XPNPEP3: variants seen among roughly 807,000 people sequenced by gnomAD.
XPNPEP3 encodes X-prolyl aminopeptidase 3.
XPNPEP3 carries 41 observed loss-of-function variants against 60.0 expected under a neutral mutation model. That is an observed-to-expected ratio of 0.68 (90% confidence interval 0.53 to 0.89). The LOEUF is 0.89. XPNPEP3 is among the 40% of genes least tolerant of loss of function. The pLI, the probability that XPNPEP3 is intolerant of heterozygous loss-of-function variation, is 0.00. For missense variants in XPNPEP3, 598 were observed against 638.9 expected, an observed-to-expected ratio of 0.94 and a Z score of 0.69; for synonymous variants, 212 against 223.2, an observed-to-expected ratio of 0.95 and a Z score of 0.45.
At chr22:40,900,309 A>G (rs1046475176) in intron 4 of XPNPEP3, among the ~76,000 whole-genome samples, 3 of 147,512 alleles carry the variant, frequency 2.0e-5, no homozygotes, top group Admixed American at 6.8e-5. Context: ...AGCCTTAGGA[A>G]AAAAAAAAAA....
At chr22:40,874,679 G>A (rs941568254) in intron 2 of XPNPEP3, among the ~76,000 whole-genome samples, 2 of 152,000 alleles carry the variant, frequency 1.3e-5, no homozygotes, top group Admixed American at 6.6e-5. Context: ...TACCACCTTG[G>A]CCCCCCAAAG....
chr22:40,900,144 A>G (rs923037302), intron 4 of XPNPEP3, among the ~76,000 whole-genome samples: 1 of 152,108 alleles, frequency 6.6e-6, no homozygotes, highest in African/African-American at 2.4e-5. Context: ...TTAGGAAAAA[A>G]CATAAGGGTG....
chr22:40,866,563 A>T lies in XPNPEP3; in HGVS notation c.65-2436A>T, dbSNP rs188753518. 5.5e-3 allele frequency among the ~76,000 whole-genome samples: 838 copies of T among 152,278 alleles called. 7 individuals carry two copies. Among genetic ancestry groups the T allele is most frequent in the Non-Finnish European group, 9.0e-3 (611 of 68,030 alleles). On this transcript the variant is annotated intron_variant, in intron 1 of 9. Transcript: ENST00000357137. The stretch of plus-strand genomic sequence containing the variant: ...TTAGCCGGGGTTCTTCAAGTAGCTT[A>T]GTGTGGCTGCAATAATGTTTTTTGA...
At chr22:40,914,037 G>A (rs1381164745) in intron 6 of XPNPEP3, among the ~76,000 whole-genome samples, 1 of 151,930 alleles carries the variant, frequency 6.6e-6, no homozygotes, top group Non-Finnish European at 1.5e-5. Flanking sequence ...CAGCTACTCG[G>A]AGGCTGAGGC....
chr22:40,864,595 A>G (rs1038357460), intron 1 of XPNPEP3, among the ~76,000 whole-genome samples: 8 of 151,812 alleles, frequency 5.3e-5, no homozygotes, highest in African/African-American at 1.9e-4. Context: ...ACAGGCATGC[A>G]CCACCACGCC....
intron 4 of XPNPEP3, among the ~76,000 whole-genome samples, chr22:40,888,050 C>T (rs561971514): frequency 1.6e-4 from 24 of 152,250 alleles, no homozygotes; most frequent in African/African-American, 5.8e-4. Flanking sequence ...CCGACTTTCT[C>T]CATCATTCCA....
chr22:40,908,788 C>G (rs1255941310), intron 5 of XPNPEP3, among the ~76,000 whole-genome samples: 3 of 152,094 alleles, frequency 2.0e-5, no homozygotes, highest in Non-Finnish European at 2.9e-5. Flanking sequence ...CAAGGCTCAG[C>G]CTTCATCATA....
chr22:40,903,784 A>C (rs1281028899), intron 4 of XPNPEP3, among the ~76,000 whole-genome samples: 1 of 151,894 alleles, frequency 6.6e-6, no homozygotes, highest in Non-Finnish European at 1.5e-5. Context: ...CACTGTGCCC[A>C]GTCTCAAATC....
In XPNPEP3 at chr22:40,886,386, C is replaced by A. The variant is rs150300298; in HGVS notation, c.663C>A (p.Pro221=). 6.2e-7 allele frequency: 1 copy of A among 1,614,104 alleles called. No individual in the cohort carries two copies. Among genetic ancestry groups the A allele is most frequent in the South Asian group, 1.1e-5 (1 of 91,078 alleles). The change falls in exon 4 of 10, where the codon CCC becomes CCA. Residue 221 remains proline (P), a synonymous_variant. Transcript: ENST00000357137. ...AGCTTCACTCTGACTATATGCAGCC[C>A]CTGACTGAGGCCAAAGCCAAGAGCA... The part of the protein sequence containing the change: ...HAQLHSDYMQ[P]LTEAKAKSKN...
At chr22:40,897,029 C>CTTTTTTTTTT in intron 4 of XPNPEP3, among the ~76,000 whole-genome samples, 1 of 107,690 alleles carries the variant, frequency 9.3e-6, no homozygotes, top group Non-Finnish European at 1.9e-5. Context: ...TTTCCTTCAT[C>CTTTTTTTTTT]TTTTTTTTTT....
At chr22:40,914,545 T>G (rs2058188834) in intron 7 of XPNPEP3, among the ~76,000 whole-genome samples, 1 of 132,126 alleles carries the variant, frequency 7.6e-6, no homozygotes, top group African/African-American at 2.9e-5. Context: ...TTTTTTTTTT[T>G]TTTTTTTTTT....
At chr22:40,923,756 G>A (rs944159216) in intron 8 of XPNPEP3, among the ~76,000 whole-genome samples, 1 of 152,152 alleles carries the variant, frequency 6.6e-6, no homozygotes, top group Non-Finnish European at 1.5e-5. Flanking sequence ...GGAGGCTGAG[G>A]TGGGAGAATA....
At chr22:40,863,806 A>G (rs940685140) in intron 1 of XPNPEP3, among the ~76,000 whole-genome samples, 1 of 152,242 alleles carries the variant, frequency 6.6e-6, no homozygotes, top group East Asian at 1.9e-4. Context: ...TGAGAGAGAA[A>G]GTAATTTGTC....
chr22:40,858,509 A>G (rs920733842), intron 1 of XPNPEP3, among the ~76,000 whole-genome samples: 2 of 139,026 alleles, frequency 1.4e-5, no homozygotes, highest in Non-Finnish European at 3.1e-5. Flanking sequence ...ATCGTTTAGT[A>G]TGGCTGGAGA....
At chr22:40,906,226 C>T (rs922943493) in intron 4 of XPNPEP3, among the ~76,000 whole-genome samples, 14 of 151,954 alleles carry the variant, frequency 9.2e-5, no homozygotes, top group African/African-American at 3.4e-4. Flanking sequence ...AGGTGTGAGC[C>T]ACCCTGGGAG....
chr22:40,906,501 A>T (rs2058156199), intron 4 of XPNPEP3, among the ~76,000 whole-genome samples: 1 of 151,932 alleles, frequency 6.6e-6, no homozygotes, highest in Admixed American at 6.6e-5. Context: ...TAGGTCAGTG[A>T]TTCTCAGTGG....
chr22:40,877,578 C>CT (rs1419059917), intron 2 of XPNPEP3, among the ~76,000 whole-genome samples: 5 of 152,332 alleles, frequency 3.3e-5, no homozygotes, highest in African/African-American at 1.2e-4. Flanking sequence ...GCTGCAGAAT[C>CT]TCAGAACTGA....
chr22:40,867,908 A>T (rs1040462153), intron 1 of XPNPEP3, among the ~76,000 whole-genome samples: 7 of 150,980 alleles, frequency 4.6e-5, no homozygotes, highest in Non-Finnish European at 1.0e-4. Context: ...ACTACACTCC[A>T]GCCTGGGCGA....
intron 1 of XPNPEP3, chr22:40,862,382 A>G (rs1476518740): frequency 2.0e-6 from 2 of 996,704 alleles, no homozygotes; most frequent in Non-Finnish European, 2.4e-6. Context: ...TCCCTTGCAT[A>G]ATATGACCTC....
Sources: gnomAD v4.1 joint callset for allele counts (sites outside exome capture counted in the v4.1 genomes callset) on GRCh38, gnomAD v4.1.1 for gene constraint, MANE v1.5 for transcripts, NCBI Gene and HGNC (gene_info 2026-07-23, HGNC 2026-07-21) for gene names.